The following ANKK1 variants were observed in gnomAD, a reference collection of about 807,000 sequenced individuals.
ANKK1 encodes the protein ankyrin repeat and protein kinase domain-containing protein 1.
Under a neutral mutation model 37.6 loss-of-function variants are expected in ANKK1, and 37 were observed. The observed-to-expected ratio is 0.98, with a 90% CI of 0.76 to 1.29. ANKK1 has a LOEUF of 1.29. Among genes scored for constraint, ANKK1 ranks in the 50% most tolerant of loss-of-function variants. The pLI, the probability that ANKK1 is intolerant of heterozygous loss-of-function variation, is 0.00. For missense variants in ANKK1, 1,019 were observed against 990.6 expected (o/e 1.03, Z -0.39); for synonymous variants, 415 against 418.7 (o/e 0.99, Z 0.11).
At chr11:113,394,396 G>T (rs1203215336) in intron 2 of ANKK1, among the ~76,000 whole-genome samples, 2 of 152,202 alleles carry the variant, frequency 1.3e-5, no homozygotes, top group Non-Finnish European at 2.9e-5. Flanking sequence ...TGGAGTGTGT[G>T]TGTTGGCAGG....
chr11:113,388,842 G>A (rs994256960), intron 1 of ANKK1, among the ~76,000 whole-genome samples: 2 of 152,206 alleles, frequency 1.3e-5, no homozygotes, highest in African/African-American at 4.8e-5. Context: ...GCACCTTGCA[G>A]CCATGAAGAA....
chr11:113,395,751 C>A (rs937407586), intron 4 of ANKK1, among the ~76,000 whole-genome samples: 1 of 152,300 alleles, frequency 6.6e-6, no homozygotes, highest in South Asian at 2.1e-4. Context: ...GGCAACCTTG[C>A]AACCTTGAGA....
rs760323991 is a variant in ANKK1 at position 113,393,606 on chromosome 11, G to C, written c.311G>C (p.Gly104Ala). ...LGIVMEFMAN[G>A]SLEKVLSTHS... Reference sequence around the variant, plus strand: ...ATTGTGATGGAGTTTATGGCCAACGGCTCCCTGGAGAAGGTGCTGTCCACC... The same window carrying C: ...ATTGTGATGGAGTTTATGGCCAACGCCTCCCTGGAGAAGGTGCTGTCCACC... Residue 104 changes from glycine (G) to alanine (A), a missense_variant, in exon 2 of 8, where the codon GGC becomes GCC. Transcript: ENST00000303941. 1.2e-6 allele frequency: 2 copies of C among 1,613,972 alleles called. No homozygotes were observed. Among genetic ancestry groups the C allele is most frequent in the Non-Finnish European group, 1.7e-6 (2 of 1,179,870 alleles).
At chr11:113,394,778 A>G (rs1221340080) in intron 2 of ANKK1, 151 bp from the exon 3 acceptor site, 2 of 1,092,986 alleles carry the variant, frequency 1.8e-6, no homozygotes, top group South Asian at 1.3e-5. Flanking sequence ...AAGACCATCC[A>G]GATAGTAAGT....
chr11:113,392,822 AG>A (rs1472003990), intron 1 of ANKK1, among the ~76,000 whole-genome samples: 1 of 152,250 alleles, frequency 6.6e-6, no homozygotes, highest in Admixed American at 6.5e-5. Context: ...CAGCCACTAA[AG>A]ATCATGCTTT....
chr11:113,400,213 G>A lies in ANKK1; in HGVS notation c.2244G>A (p.Glu748=), dbSNP rs1591266614. The A allele has an allele frequency of 6.4e-7, 1 of 1,552,826 alleles. No individual in the cohort carries two copies. Among genetic ancestry groups the A allele is most frequent in the Non-Finnish European group, 8.7e-7 (1 of 1,148,610 alleles). The change falls in exon 8 of 8, where the codon GAG becomes GAA. Residue 748 remains glutamate, a synonymous_variant. Coordinates refer to ENST00000303941, the MANE Select transcript of ANKK1 (RefSeq NM_178510.2). ...TCATGTCCTTCCTAGAGGGCAAGGA[G>A]CCGTCAGTGGCCACTCTGGGTGGTT... ...QGIMSFLEGK[E]PSVATLGGSK...
Position 113,397,972 on chromosome 11 carries a change from C to T in ANKK1, c.958-8C>T, listed in dbSNP as rs1395028986. On this transcript the variant is annotated splice_region_variant and splice_polypyrimidine_tract_variant and intron_variant, in intron 6 of 7. Coordinates refer to ENST00000303941, the MANE Select transcript of ANKK1 (RefSeq NM_178510.2). The stretch of plus-strand genomic sequence containing the variant: ...TCTCCACCCTGCCTGCTGGTTATGC[C>T]TCCCCAGGTTAATGAGGACATCAGC... 2 of 1,558,776 alleles carry T rather than the reference C, an allele frequency of 1.3e-6. No individual in the cohort carries two copies. Among genetic ancestry groups the T allele is most frequent in the Non-Finnish European group, 1.7e-6 (2 of 1,150,944 alleles).
intron 1 of ANKK1, among the ~76,000 whole-genome samples, 182 bp from the exon 2 acceptor site, chr11:113,393,299 G>C (rs913998820): frequency 1.3e-5 from 2 of 152,132 alleles, no homozygotes; most frequent in Non-Finnish European, 2.9e-5. Context: ...CTGCTGTACT[G>C]AAATCTAAGC....
At chr11:113,392,567 A>G (rs1950596306) in intron 1 of ANKK1, among the ~76,000 whole-genome samples, 1 of 152,188 alleles carries the variant, frequency 6.6e-6, no homozygotes, top group Admixed American at 6.5e-5. Context: ...CAAATATGTC[A>G]TTTCTCCTTA....
chr11:113,395,994 C>T, intron 4 of ANKK1, 73 bp from the exon 5 acceptor site: 1 of 1,553,806 alleles, frequency 6.4e-7, no homozygotes. Context: ...ATCCTCAGAG[C>T]CCCCGCCTTC....
intron 7 of ANKK1, among the ~76,000 whole-genome samples, 181 bp from the exon 8 acceptor site, chr11:113,398,783 C>G (rs192829760): frequency 6.6e-6 from 1 of 152,082 alleles, no homozygotes. Flanking sequence ...CCAGGACGAC[C>G]GAGCCTGAAC....
chr11:113,387,947 C>T lies in ANKK1; in HGVS notation c.63C>T (p.Phe21=). 6.4e-7 allele frequency: 1 copy of T among 1,574,072 alleles called. No homozygotes were observed. Among genetic ancestry groups the T allele is most frequent in the Non-Finnish European group, 8.6e-7 (1 of 1,166,500 alleles). The change falls in exon 1 of 8, where the codon TTC becomes TTT. Residue 21 remains phenylalanine, a synonymous_variant. Transcript: ENST00000303941. ...GSLPVFTRDD[F]EGDWRLVASG... is the part of the protein sequence containing the mutation. ...TCCCCGTCTTCACCCGCGACGACTT[C>T]GAGGGCGACTGGCGCCTAGTGGCCA...
At chr11:113,392,659 A>G (rs571695934) in intron 1 of ANKK1, among the ~76,000 whole-genome samples, 1 of 152,384 alleles carries the variant, frequency 6.6e-6, no homozygotes, top group African/African-American at 2.4e-5. Flanking sequence ...GAAATGAGCA[A>G]CAGGGTTTGC....
In ANKK1 at chr11:113,399,716, G is replaced by A. The variant is rs575194800; in HGVS notation, c.1747G>A (p.Gly583Arg). 4.8e-5 allele frequency: 76 copies of A among 1,599,110 alleles called. No homozygotes were observed. In the Admixed American group the frequency reaches 4.8e-4, roughly 10 times the overall value. ...YLICKMLLRY[G>R]ASLELPTHQG... is the part of the protein sequence containing the mutation. ...GATCTGCAAGATGCTGCTCAGGTACGGAGCCAGCCTTGAGCTGCCCACCCA... is the reference window on the plus strand; with the variant it reads ...GATCTGCAAGATGCTGCTCAGGTACAGAGCCAGCCTTGAGCTGCCCACCCA... The change falls in exon 8 of 8, where the codon GGA becomes AGA. Residue 583 changes from glycine to arginine, a missense_variant. Physicochemically the swap from Gly to Arg is moderately radical, Grantham distance 125. Transcript: ENST00000303941.
rs1225059164 is a variant in ANKK1, at chr11:113,387,937, G to T, written c.53G>T (p.Arg18Leu). 6.4e-6 allele frequency: 10 copies of T among 1,572,698 alleles called. No individual in the cohort carries two copies. ...LRLGSLPVFT[R>L]DDFEGDWRLV... ...CTGGGCAGCCTCCCCGTCTTCACCC[G>T]CGACGACTTCGAGGGCGACTGGCGC... Residue 18 changes from arginine to leucine, a missense_variant, in exon 1 of 8, where the codon CGC (arginine) becomes CTC (leucine). Coordinates refer to ENST00000303941, the MANE Select transcript of ANKK1 (RefSeq NM_178510.2).
At position 113,390,735 on chromosome 11, in the gene ANKK1, C is replaced by CAAAA. The variant is rs202164619; in HGVS notation, c.185+2678_185+2681dup. On this transcript the variant is annotated intron_variant, in intron 1 of 7. Transcript: ENST00000303941. ...GGGCAACAAAAGTGAGACTTGGTCT[C>CAAAA]AAAAAAAAAAAAAAACAAAGCAAAA... 7.0e-3 allele frequency among the ~76,000 whole-genome samples: 586 copies of CAAAA among 84,254 alleles called. 3 individuals are homozygous for CAAAA. Among genetic ancestry groups the CAAAA allele is most frequent in the Middle Eastern group, 0.026 (4 of 152 alleles). The allele number at this position is 84,254 out of a possible 152,430, so 55.3% of individuals were successfully genotyped here.
chr11:113,394,832 C>T, intron 2 of ANKK1, 97 bp from the exon 3 acceptor site: 1 of 1,514,288 alleles, frequency 6.6e-7, no homozygotes. Context: ...CTACTCTACC[C>T]TGGAACAGGC....
intron 4 of ANKK1, 35 bp from the exon 5 acceptor site, chr11:113,396,032 C>T: frequency 6.2e-7 from 1 of 1,608,172 alleles, no homozygotes; most frequent in Non-Finnish European, 8.5e-7. Flanking sequence ...AGCCCTACCT[C>T]TCAGCACCCA....
Position 113,394,918 on chromosome 11 carries a change from C to T in ANKK1, c.481-11C>T, listed in dbSNP as rs1357667396. The T allele has an allele frequency of 6.2e-7, 1 of 1,603,900 alleles. No individual in the cohort carries two copies. Among genetic ancestry groups the T allele is most frequent in the Non-Finnish European group, 8.5e-7 (1 of 1,172,776 alleles). ...TATCACGGCTTTATCTCTGCCCCTG[C>T]CTTCTCCCAGATTTCAGACTTCGGC... On this transcript the variant is annotated splice_polypyrimidine_tract_variant and intron_variant, in intron 2 of 7. Transcript: ENST00000303941.
Sources: gnomAD v4.1 joint callset for allele counts (sites outside exome capture counted in the v4.1 genomes callset) on GRCh38, gnomAD v4.1.1 for gene constraint, MANE v1.5 for transcripts, NCBI Gene and HGNC (gene_info 2026-07-23, HGNC 2026-07-21) for gene names.